Variants in TRAF1 observed in about 807,000 individuals in gnomAD.
TRAF1 encodes the protein TNF receptor-associated factor 1.
A neutral mutation model predicts 40.9 loss-of-function variants in TRAF1; 23 were observed. The observed-to-expected ratio is 0.56, with a 90% CI of 0.40 to 0.80. TRAF1 has a LOEUF of 0.80. TRAF1 is among the 30% of genes least tolerant of loss of function. TRAF1 has a pLI of 0.00. For synonymous variants in TRAF1, 206 were observed against 218.8 expected, an observed-to-expected ratio of 0.94 and a Z score of 0.52; for missense variants, 477 against 528.7, an observed-to-expected ratio of 0.90 and a Z score of 0.96.
chr9:120,926,153 G>C lies in TRAF1; in HGVS notation c.-78C>G. ...GACCAGCCTTGTGGAGTCCTGGCCT[G>C]GGCCTCACTCTCTGGTGAGTAGGAG... On this transcript the variant is annotated 5_prime_UTR_variant, in exon 2 of 8. Coordinates refer to ENST00000373887, the MANE Select transcript of TRAF1 (RefSeq NM_005658.5). The C allele has an allele frequency of 2.8e-6, 4 of 1,420,272 alleles. No homozygotes were observed. Among genetic ancestry groups the C allele is most frequent in the Non-Finnish European group, 3.7e-6 (4 of 1,076,150 alleles). The allele number at this position is 1,420,272 out of a possible 1,614,324, so 88.0% of individuals were successfully genotyped here.
chr9:120,912,352 T>A (rs2046534133), intron 5 of TRAF1, among the ~76,000 whole-genome samples: 1 of 152,190 alleles, frequency 6.6e-6, no homozygotes, highest in Non-Finnish European at 1.5e-5. Flanking sequence ...AGAATGGTCA[T>A]TGGCTACATT....
At chr9:120,922,962 C>T (rs552323891) in intron 3 of TRAF1, among the ~76,000 whole-genome samples, 145 of 152,292 alleles carry the variant, frequency 9.5e-4, no homozygotes, top group African/African-American at 3.4e-3. Flanking sequence ...CCTCAGCCTC[C>T]AGACTAACTG....
intron 5 of TRAF1, among the ~76,000 whole-genome samples, chr9:120,912,916 C>T (rs1485335103): frequency 2.0e-5 from 3 of 152,122 alleles, no homozygotes; most frequent in Admixed American, 6.6e-5. Flanking sequence ...AGAATCTGAC[C>T]CTCCATCCCT....
chr9:120,918,087 C>A (rs921611344), intron 3 of TRAF1, among the ~76,000 whole-genome samples: 14 of 152,112 alleles, frequency 9.2e-5, no homozygotes, highest in Admixed American at 7.9e-4. Context: ...AAGAGAGAGG[C>A]CTTGGAGGAA....
At chr9:120,911,635 T>C in intron 5 of TRAF1, 122 bp from the exon 6 acceptor site, 2 of 1,163,390 alleles carry the variant, frequency 1.7e-6, no homozygotes, top group South Asian at 3.0e-5. Context: ...CACTCAGGTG[T>C]GCGTCTGCAT....
In TRAF1 at chr9:120,911,493, G is replaced by A. The variant is rs17848029; in HGVS notation, c.726C>T (p.Thr242=). 1.2e-6 allele frequency: 2 copies of A among 1,612,420 alleles called. No homozygotes were observed. Among genetic ancestry groups the A allele is most frequent in the East Asian group, 2.2e-5 (1 of 44,854 alleles). ...CCAGGGCCTGGTCTTTCTGGGCCAG[G>A]GTCTGCTGAAGCTCCACCACCTGTA... The part of the protein sequence containing the change: ...LEQRVVELQQ[T]LAQKDQALGK... The change falls in exon 6 of 8, where the codon ACC becomes ACT. Residue 242 remains threonine, a synonymous_variant. Coordinates refer to ENST00000373887, the MANE Select transcript of TRAF1 (RefSeq NM_005658.5).
intron 5 of TRAF1, among the ~76,000 whole-genome samples, chr9:120,913,109 T>C (rs145009288): frequency 6.6e-6 from 1 of 152,278 alleles, no homozygotes; most frequent in Non-Finnish European, 1.5e-5. Flanking sequence ...TCACAAAAGT[T>C]CAAGCAAAGG....
intron 7 of TRAF1, among the ~76,000 whole-genome samples, chr9:120,908,645 C>T (rs1041520087): frequency 6.6e-6 from 1 of 152,058 alleles, no homozygotes; most frequent in Non-Finnish European, 1.5e-5. Context: ...CTGCAACCTC[C>T]GCCTCCCAGG....
At chr9:120,911,627 C>G in intron 5 of TRAF1, 114 bp from the exon 6 acceptor site, 1 of 1,234,920 alleles carries the variant, frequency 8.1e-7, no homozygotes, top group Non-Finnish European at 1.1e-6. Context: ...CCACGCCTCA[C>G]TCAGGTGTGC....
chr9:120,909,206 C>T, intron 7 of TRAF1, 24 bp downstream of exon 7: 8 of 1,610,396 alleles, frequency 5.0e-6, no homozygotes, highest in Non-Finnish European at 6.8e-6. Context: ...CCCCACCTTA[C>T]CCCCATCACC....
rs1588149125 is a variant in TRAF1, at chr9:120,911,357, T to C, written c.862A>G (p.Thr288Ala). 2 of 1,613,272 alleles carry C rather than the reference T, an allele frequency of 1.2e-6. No individual in the cohort carries two copies. Among genetic ancestry groups the C allele is most frequent in the African/African-American group, 2.7e-5 (2 of 75,052 alleles). ...TTACCTGGGGAGAAGAGGCTGACGG[T>C]CCTGCCACAGGCCGACTCATGGCAC... The part of the protein sequence containing the change: ...RRCHESACGR[T>A]VSLFSPAFYT... The change falls in exon 6 of 8, where the codon ACC becomes GCC. Residue 288 changes from threonine to alanine, a missense_variant. Coordinates refer to ENST00000373887, the MANE Select transcript of TRAF1 (RefSeq NM_005658.5).
chr9:120,904,945 T>A lies in TRAF1; in HGVS notation c.*75A>T, dbSNP rs145874830. 2 of 1,434,696 alleles carry A rather than the reference T, an allele frequency of 1.4e-6. No homozygotes were observed. The highest frequency in any genetic ancestry group is 1.4e-5 in the African/African-American group (1 of 71,472). 88.9% of individuals were successfully genotyped at this position (1,434,696 alleles called of 1,614,324 possible). A position where few individuals can be genotyped will look rare whatever the true frequency, so the allele number is the denominator to read the frequency against. ...CATCTTTGTGCCCTGAGGTCTTGGG[T>A]GCCAAGGGCAGGGCATCACAGTCCT... On this transcript the variant is annotated 3_prime_UTR_variant, in exon 8 of 8. Transcript: ENST00000373887.
At position 120,903,139 on chromosome 9, in the gene TRAF1, T is replaced by C. The variant is rs138153294; in HGVS notation, c.*1881A>G. On this transcript the variant is annotated 3_prime_UTR_variant, in exon 8 of 8. Coordinates refer to ENST00000373887, the MANE Select transcript of TRAF1 (RefSeq NM_005658.5). ...CAGACCTTCATGTGTGACATCCAGCTGTCAGCAGGAAGAAGTCAGTCTCCA... is the reference window on the plus strand; with the variant it reads ...CAGACCTTCATGTGTGACATCCAGCCGTCAGCAGGAAGAAGTCAGTCTCCA... 8.5e-5 allele frequency: 13 copies of C among 152,356 alleles called. No homozygotes were observed. The East Asian group carries it at 2.3e-3, about 27-fold the overall frequency. The allele number at this position is 152,356 out of a possible 1,614,324, so 9.4% of individuals were successfully genotyped here. A position where few individuals can be genotyped will look rare whatever the true frequency, so the allele number is the denominator to read the frequency against.
intron 3 of TRAF1, among the ~76,000 whole-genome samples, chr9:120,921,752 A>G (rs1268350832): frequency 6.6e-6 from 1 of 152,162 alleles, no homozygotes; most frequent in Non-Finnish European, 1.5e-5. Context: ...GGTTGCTGAG[A>G]AGCAGATGGG....
chr9:120,914,559 G>A, intron 3 of TRAF1: 2 of 1,132,138 alleles, frequency 1.8e-6, no homozygotes, highest in Non-Finnish European at 2.2e-6. Flanking sequence ...AGTCCACACA[G>A]CTCCGTAATC....
chr9:120,904,879 G>T lies in TRAF1; in HGVS notation c.*141C>A. 3.4e-6 allele frequency: 3 copies of T among 872,336 alleles called. No homozygotes were observed. The highest frequency in any genetic ancestry group is 5.2e-6 in the Non-Finnish European group (3 of 574,852). 54.0% of individuals were successfully genotyped at this position (872,336 alleles called of 1,614,324 possible). A position where few individuals can be genotyped will look rare whatever the true frequency, so the allele number is the denominator to read the frequency against. On this transcript the variant is annotated 3_prime_UTR_variant, in exon 8 of 8. Coordinates refer to ENST00000373887, the MANE Select transcript of TRAF1 (RefSeq NM_005658.5). ...ATCCTAACCAGATGGCCAGCCCGAA[G>T]TCGACCCCTCAGTCTTGCTTGGATC...
At chr9:120,914,119 G>T in intron 4 of TRAF1, 116 bp downstream of exon 4, 1 of 874,348 alleles carries the variant, frequency 1.1e-6, no homozygotes, top group Non-Finnish European at 1.6e-6. Flanking sequence ...TAGTACAAAG[G>T]ACATCCAGAT....
At chr9:120,917,551 C>T (rs1009624366) in intron 3 of TRAF1, among the ~76,000 whole-genome samples, 1 of 152,212 alleles carries the variant, frequency 6.6e-6, no homozygotes, top group Non-Finnish European at 1.5e-5. Flanking sequence ...CAGCTTAAAA[C>T]AACACAGCTT....
intron 3 of TRAF1, among the ~76,000 whole-genome samples, chr9:120,916,164 A>T (rs1241794320): frequency 1.3e-5 from 2 of 152,236 alleles, no homozygotes; most frequent in Non-Finnish European, 2.9e-5. Flanking sequence ...GAACCTCAAA[A>T]ACATTATGCT....
Sources: allele counts gnomAD v4.1 joint callset (sites outside exome capture counted in the v4.1 genomes callset), GRCh38; gene constraint gnomAD v4.1.1; transcripts MANE v1.5; gene names NCBI Gene and HGNC (gene_info 2026-07-23, HGNC 2026-07-21).